Variants in ZRANB3 observed in about 807,000 individuals in gnomAD.
ZRANB3 encodes the protein DNA annealing helicase and endonuclease ZRANB3.
Under a neutral mutation model 133.8 loss-of-function variants are expected in ZRANB3, and 125 were observed. The ratio of observed to expected loss-of-function variants is 0.93; its 90% CI spans 0.81 to 1.08. The LOEUF (loss-of-function observed/expected upper bound fraction) is 1.08, where lower values mean the gene tolerates loss of function less well. Ranked by LOEUF, ZRANB3 falls within the 50% of genes least tolerant of loss-of-function variation. The pLI, the probability that ZRANB3 is intolerant of heterozygous loss-of-function variation, is 0.00. For missense variants in ZRANB3, 1,229 were observed against 1,275.5 expected, an observed-to-expected ratio of 0.96 and a Z score of 0.56; for synonymous variants, 387 against 432.7, an observed-to-expected ratio of 0.89 and a Z score of 1.31.
At chr2:135,349,547 A>G (rs1209429729) in intron 5 of ZRANB3, among the ~76,000 whole-genome samples, 3 of 152,174 alleles carry the variant, frequency 2.0e-5, no homozygotes, top group Admixed American at 2.0e-4. Flanking sequence ...GTTTCTCTTT[A>G]CTTTTCCAAA....
intron 2 of ZRANB3, among the ~76,000 whole-genome samples, chr2:135,406,721 C>T (rs1029580972): frequency 6.6e-6 from 1 of 152,066 alleles, no homozygotes; most frequent in African/African-American, 2.4e-5. Flanking sequence ...AGACAAAAAC[C>T]ACATGATTAT....
chr2:135,405,608 A>G (rs1687975956), intron 2 of ZRANB3, among the ~76,000 whole-genome samples: 1 of 152,244 alleles, frequency 6.6e-6, no homozygotes, highest in East Asian at 1.9e-4. Flanking sequence ...AACAGAAATT[A>G]TAACAAACTC....
chr2:135,322,260 T>C (rs1038394927), intron 6 of ZRANB3, among the ~76,000 whole-genome samples: 3 of 152,106 alleles, frequency 2.0e-5, no homozygotes, highest in African/African-American at 4.8e-5. Context: ...TAAAGAAAAA[T>C]AGTGTGAATC....
intron 5 of ZRANB3, among the ~76,000 whole-genome samples, chr2:135,346,229 T>C (rs952379702): frequency 2.6e-5 from 4 of 152,152 alleles, no homozygotes; most frequent in Non-Finnish European, 5.9e-5. Context: ...CCCGAGTAGC[T>C]TGGAGTACAG....
intron 8 of ZRANB3, among the ~76,000 whole-genome samples, chr2:135,296,528 T>G (rs1368830178): frequency 1.3e-5 from 2 of 152,274 alleles, no homozygotes; most frequent in Non-Finnish European, 2.9e-5. Context: ...GGCTCGAACT[T>G]CCTCCTTTAG....
chr2:135,489,430 C>T (rs1394635168), intron 2 of ZRANB3, among the ~76,000 whole-genome samples: 1 of 151,094 alleles, frequency 6.6e-6, no homozygotes, highest in African/African-American at 2.4e-5. Context: ...GCACATTGTG[C>T]ACATGTACCC....
At chr2:135,391,552 C>A (rs925767012) in intron 2 of ZRANB3, among the ~76,000 whole-genome samples, 44 of 151,912 alleles carry the variant, frequency 2.9e-4, no homozygotes, top group African/African-American at 1.0e-3. Context: ...ATATGCTAAG[C>A]CTACCTTTAA....
At chr2:135,407,762 C>T (rs1688108997) in intron 2 of ZRANB3, among the ~76,000 whole-genome samples, 1 of 149,760 alleles carries the variant, frequency 6.7e-6, no homozygotes, top group Admixed American at 6.6e-5. Flanking sequence ...GGAAAACTGG[C>T]TAGCCATATG....
At chr2:135,470,374 T>G (rs949345903) in intron 2 of ZRANB3, among the ~76,000 whole-genome samples, 11 of 151,336 alleles carry the variant, frequency 7.3e-5, no homozygotes, top group Admixed American at 7.2e-4. Flanking sequence ...TTTTATTATT[T>G]TGATCTTAAC....
At chr2:135,503,363 T>G (rs1413064580) in intron 2 of ZRANB3, among the ~76,000 whole-genome samples, 2 of 152,206 alleles carry the variant, frequency 1.3e-5, no homozygotes, top group Admixed American at 1.3e-4. Flanking sequence ...GGCAAAATGT[T>G]AATAATAAAC....
chr2:135,459,440 G>C (rs1690670035), intron 2 of ZRANB3, among the ~76,000 whole-genome samples: 1 of 152,124 alleles, frequency 6.6e-6, no homozygotes, highest in African/African-American at 2.4e-5. Flanking sequence ...ACCATGCCCA[G>C]AGAAGAAAGA....
chr2:135,410,793 G>C (rs1688268269), intron 2 of ZRANB3, among the ~76,000 whole-genome samples: 1 of 152,122 alleles, frequency 6.6e-6, no homozygotes, highest in East Asian at 1.9e-4. Flanking sequence ...CCATTGAAAA[G>C]TGGGCAAAGG....
At chr2:135,495,397 G>T in intron 2 of ZRANB3, among the ~76,000 whole-genome samples, 1 of 152,106 alleles carries the variant, frequency 6.6e-6, no homozygotes, top group South Asian at 2.1e-4. Context: ...AAGTAAAGGA[G>T]TAAAAGAATG....
chr2:135,329,652 T>C (rs1444391139), intron 6 of ZRANB3, among the ~76,000 whole-genome samples: 3 of 152,206 alleles, frequency 2.0e-5, no homozygotes. Flanking sequence ...CCTTGGGCAG[T>C]ATGGCCATTT....
intron 6 of ZRANB3, among the ~76,000 whole-genome samples, chr2:135,338,693 A>T (rs961116075): frequency 6.6e-6 from 1 of 152,238 alleles, no homozygotes; most frequent in Non-Finnish European, 1.5e-5. Context: ...ATTCCACTGT[A>T]TGGAGGTACA....
In ZRANB3 at chr2:135,230,786, C is replaced by T; in HGVS notation, c.1681G>A (p.Ala561Thr). 4 of 1,613,910 alleles carry T rather than the reference C, an allele frequency of 2.5e-6. No homozygotes were observed. The highest frequency in any genetic ancestry group is 2.5e-6 in the Non-Finnish European group (3 of 1,179,882). The change falls in exon 13 of 21, where the codon GCA (alanine) becomes ACA (threonine). Residue 561 changes from alanine (A) to threonine (T), a missense_variant. Physicochemically the swap from Ala to Thr is moderately conservative, Grantham distance 58. Transcript: ENST00000264159. The stretch of plus-strand genomic sequence containing the variant: ...CTTTCATAATCGATGATATCTCTTG[C>T]AGCTGTTTTTGTAGGGTCTGATGAC... ...VVSSDPTKTA[A>T]RDIIDYESDV...
intron 15 of ZRANB3, 55 bp from the exon 16 acceptor site, chr2:135,219,233 C>T: frequency 5.4e-6 from 6 of 1,109,530 alleles, no homozygotes; most frequent in Non-Finnish European, 7.5e-6. Context: ...GCACTAGTAA[C>T]TATTTTAAAT....
At chr2:135,249,025 A>C (rs1390749253) in intron 12 of ZRANB3, among the ~76,000 whole-genome samples, 1 of 152,246 alleles carries the variant, frequency 6.6e-6, no homozygotes, top group Non-Finnish European at 1.5e-5. Flanking sequence ...TCACTAGAGA[A>C]ATGCAAATCA....
At chr2:135,340,451 T>A (rs999717418) in intron 6 of ZRANB3, among the ~76,000 whole-genome samples, 1 of 152,162 alleles carries the variant, frequency 6.6e-6, no homozygotes, top group Admixed American at 6.6e-5. Flanking sequence ...TTGGCAATTG[T>A]TGCTTATTTA....
Sources: gnomAD v4.1 joint callset for allele counts (sites outside exome capture counted in the v4.1 genomes callset) on GRCh38, gnomAD v4.1.1 for gene constraint, MANE v1.5 for transcripts, NCBI Gene and HGNC (gene_info 2026-07-23, HGNC 2026-07-21) for gene names.